FABP12: variants seen among roughly 807,000 people sequenced by gnomAD.
FABP12 encodes fatty acid-binding protein 12.
A neutral mutation model predicts 13.7 loss-of-function variants in FABP12; 19 were observed. That is an observed-to-expected ratio of 1.39 (90% CI 0.97 to 2.04). The LOEUF is 2.04. Among genes scored for constraint, FABP12 ranks in the 30% most tolerant of loss-of-function variants. The probability of loss-of-function intolerance (pLI) is 0.00; values close to 1 mark genes in which losing one functional copy is unlikely to be tolerated. For missense variants in FABP12, 182 were observed against 164.2 expected, an observed-to-expected ratio of 1.11 and a Z score of -0.59; for synonymous variants, 61 against 57.0, an observed-to-expected ratio of 1.07 and a Z score of -0.32.
At chr8:81,526,905 C>T in intron 4 of FABP12, 115 bp downstream of exon 4, 3 of 620,806 alleles carry the variant, frequency 4.8e-6, no homozygotes, top group African/African-American at 3.7e-5. Flanking sequence ...TTTTCTCATT[C>T]TTTAAACTAT....
At chr8:81,525,625 G>T (rs768614989) in intron 4 of FABP12, among the ~76,000 whole-genome samples, 4 of 151,844 alleles carry the variant, frequency 2.6e-5, no homozygotes, top group Non-Finnish European at 5.9e-5. Context: ...GTTTTGCCAT[G>T]TTCTATATAA....
At chr8:81,562,077 T>C (rs1010556548) in intron 1 of FABP12, among the ~76,000 whole-genome samples, 3 of 152,102 alleles carry the variant, frequency 2.0e-5, no homozygotes, top group African/African-American at 7.2e-5. Context: ...GAAAACTTTA[T>C]CTTGCAACTT....
chr8:81,561,804 G>A (rs1353082763), intron 1 of FABP12, among the ~76,000 whole-genome samples: 5 of 152,160 alleles, frequency 3.3e-5, no homozygotes, highest in African/African-American at 9.7e-5. Flanking sequence ...CTGAGTTCCA[G>A]CTAGCCCCAT....
chr8:81,530,818 C>G (rs1044046284), intron 2 of FABP12, among the ~76,000 whole-genome samples: 7 of 152,106 alleles, frequency 4.6e-5, no homozygotes, highest in African/African-American at 1.7e-4. Context: ...GAAGAGAGAG[C>G]AGTGTGAAAA....
upstream of FABP12, among the ~76,000 whole-genome samples, chr8:81,535,073 A>G (rs1809190042): frequency 6.6e-6 from 1 of 152,264 alleles, no homozygotes; most frequent in Non-Finnish European, 1.5e-5. Context: ...CTGACACTGT[A>G]TTAATCTGCA....
At chr8:81,582,132 T>C (rs1047539077) in intron 1 of FABP12, among the ~76,000 whole-genome samples, 1 of 142,678 alleles carries the variant, frequency 7.0e-6, no homozygotes, top group African/African-American at 2.6e-5. Flanking sequence ...TTTTTTTTTT[T>C]TTTTTTTTGA....
intron 1 of FABP12, among the ~76,000 whole-genome samples, chr8:81,571,563 T>C (rs1292529747): frequency 1.3e-5 from 2 of 152,214 alleles, no homozygotes; most frequent in African/African-American, 4.8e-5. Context: ...CCGTAACTTA[T>C]TTTATGTGAG....
At chr8:81,526,854 T>A (rs1171027240) in intron 4 of FABP12, among the ~76,000 whole-genome samples, 166 bp downstream of exon 4, 1 of 152,226 alleles carries the variant, frequency 6.6e-6, no homozygotes, top group Non-Finnish European at 1.5e-5. Flanking sequence ...TCCACACACA[T>A]TTTATATAAT....
At chr8:81,533,857 G>A (rs894950287) in exon 1 of FABP12, among the ~76,000 whole-genome samples, 4 of 152,106 alleles carry the variant, frequency 2.6e-5, no homozygotes, top group Admixed American at 2.6e-4. Context: ...CTGATCTCAC[G>A]ATGGACTTCT....
At chr8:81,532,523 G>A (rs1809098097) in intron 1 of FABP12, among the ~76,000 whole-genome samples, 1 of 152,174 alleles carries the variant, frequency 6.6e-6, no homozygotes, top group South Asian at 2.1e-4. Flanking sequence ...GATATGGTTG[G>A]TAAAGATACT....
intron 1 of FABP12, among the ~76,000 whole-genome samples, chr8:81,554,862 G>A (rs1809582619): frequency 6.6e-6 from 1 of 152,164 alleles, no homozygotes; most frequent in East Asian, 1.9e-4. Context: ...TTACGAATTT[G>A]TGTTGGGCGG....
chr8:81,536,531 T>G (rs559876300), upstream of FABP12, among the ~76,000 whole-genome samples: 1 of 152,344 alleles, frequency 6.6e-6, no homozygotes, highest in East Asian at 1.9e-4. Context: ...CAGGCCTTAC[T>G]CATTTGCAAC....
chr8:81,561,595 T>A (rs1809724895), intron 1 of FABP12, among the ~76,000 whole-genome samples: 1 of 152,146 alleles, frequency 6.6e-6, no homozygotes, highest in Non-Finnish European at 1.5e-5. Context: ...AAAGACAGTC[T>A]TGAATCACCA....
intron 1 of FABP12, among the ~76,000 whole-genome samples, chr8:81,549,206 T>C (rs1809486350): frequency 6.9e-6 from 1 of 144,298 alleles, no homozygotes; most frequent in African/African-American, 2.6e-5. Context: ...CTCTCTCTCT[T>C]TCGCCTCTAC....
intron 1 of FABP12, among the ~76,000 whole-genome samples, chr8:81,588,198 G>T (rs1240195455): frequency 1.3e-5 from 2 of 152,104 alleles, no homozygotes; most frequent in Admixed American, 1.3e-4. Flanking sequence ...ACAATACTTT[G>T]CATCCTTCAA....
intron 1 of FABP12, among the ~76,000 whole-genome samples, chr8:81,541,997 T>G (rs894036581): frequency 7.1e-6 from 1 of 140,910 alleles, no homozygotes; most frequent in African/African-American, 2.6e-5. Flanking sequence ...TAGGAGCCAC[T>G]AGAGGCCTGG....
chr8:81,529,403 T>C, intron 3 of FABP12, 35 bp downstream of exon 3: 1 of 1,605,890 alleles, frequency 6.2e-7, no homozygotes, highest in Non-Finnish European at 8.5e-7. Flanking sequence ...TAACATTCTT[T>C]TGAAATGTGT....
At chr8:81,533,697 G>A (rs1809148065) in intron 1 of FABP12, among the ~76,000 whole-genome samples, 105 bp downstream of exon 1, 1 of 152,148 alleles carries the variant, frequency 6.6e-6, no homozygotes, top group Non-Finnish European at 1.5e-5. Flanking sequence ...CCTTTAGCTG[G>A]TCACGTGGGA....
At chr8:81,541,725 T>G (rs1809347112) in intron 1 of FABP12, among the ~76,000 whole-genome samples, 1 of 151,970 alleles carries the variant, frequency 6.6e-6, no homozygotes, top group East Asian at 1.9e-4. Context: ...TCTAGAAGTC[T>G]CCATGTGTCT....
Sources: gnomAD v4.1 joint callset for allele counts (sites outside exome capture counted in the v4.1 genomes callset) on GRCh38, gnomAD v4.1.1 for gene constraint, MANE v1.5 for transcripts, NCBI Gene and HGNC (gene_info 2026-07-23, HGNC 2026-07-21) for gene names.